Variants in PRKACA observed in about 807,000 individuals in gnomAD.
PRKACA encodes the protein protein kinase cAMP-activated catalytic subunit alpha.
A neutral mutation model predicts 45.8 loss-of-function variants in PRKACA; 9 were observed. The observed-to-expected ratio is 0.20, with a 90% CI of 0.12 to 0.34. The LOEUF (loss-of-function observed/expected upper bound fraction) is 0.34, where lower values mean the gene tolerates loss of function less well. Ranked by LOEUF, PRKACA falls within the 10% of genes least tolerant of loss-of-function variation. The pLI, the probability that PRKACA is intolerant of heterozygous loss-of-function variation, is 1.00. For missense variants in PRKACA, 238 were observed against 458.6 expected, an observed-to-expected ratio of 0.52 and a Z score of 4.39; for synonymous variants, 160 against 178.6, an observed-to-expected ratio of 0.90 and a Z score of 0.83.
intron 4 of PRKACA, chr19:14,101,142 C>T (rs1599340123): frequency 2.0e-6 from 1 of 503,428 alleles, no homozygotes; most frequent in Non-Finnish European, 3.6e-6. Flanking sequence ...GGAGAGAGAA[C>T]TCTGTAGTAC....
chr19:14,096,004 G>A (rs1414080571), intron 8 of PRKACA, among the ~76,000 whole-genome samples: 1 of 149,642 alleles, frequency 6.7e-6, no homozygotes, highest in Non-Finnish European at 1.5e-5. Context: ...GAACACAGGG[G>A]TGCACCATCA....
intron 1 of PRKACA, chr19:14,112,347 G>A (rs1966990177): frequency 6.6e-6 from 1 of 152,510 alleles, no homozygotes; most frequent in African/African-American, 2.4e-5. Flanking sequence ...TGTGGCTTAG[G>A]CCCCCGGAAG....
intron 1 of PRKACA, among the ~76,000 whole-genome samples, chr19:14,110,688 C>T (rs1966941170): frequency 6.6e-6 from 1 of 152,180 alleles, no homozygotes; most frequent in Admixed American, 6.5e-5. Flanking sequence ...TCCTTTTAAC[C>T]ACCACCTAGG....
At position 14,097,137 on chromosome 19, in the gene PRKACA, T is replaced by G; in HGVS notation, c.765+224A>C. ...AAGATGTTCCCGTGAGGCTCGGGATTTTGGAAGCCCATGGGATTCTGGAAC... is the reference window on the plus strand; with the variant it reads ...AAGATGTTCCCGTGAGGCTCGGGATGTTGGAAGCCCATGGGATTCTGGAAC... On this transcript the variant is annotated intron_variant, in intron 8 of 9. Coordinates refer to ENST00000308677, the MANE Select transcript of PRKACA (RefSeq NM_002730.4). The surrounding 1 kb of genome is among the most constrained non-coding windows in gnomAD (Gnocchi z 5.4). 1 of 610,886 alleles carries G rather than the reference T, an allele frequency of 1.6e-6. No individual in the cohort carries two copies. The highest frequency in any genetic ancestry group is 2.8e-6 in the Non-Finnish European group (1 of 358,112). 37.8% of individuals were successfully genotyped at this position (610,886 alleles called of 1,614,324 possible).
chr19:14,113,158 T>C (rs1967017474), intron 1 of PRKACA, among the ~76,000 whole-genome samples: 1 of 151,830 alleles, frequency 6.6e-6, no homozygotes, highest in African/African-American at 2.4e-5. Flanking sequence ...TGTGCTTGGC[T>C]CTACTCTCGG....
At chr19:14,115,077 A>T in intron 1 of PRKACA, 1 of 985,332 alleles carries the variant, frequency 1.0e-6, no homozygotes, top group Non-Finnish European at 1.2e-6. Flanking sequence ...GCAAAGAGGG[A>T]CTTCCTTCCT....
At chr19:14,095,929 A>G (rs946500272) in intron 8 of PRKACA, among the ~76,000 whole-genome samples, 1 of 151,258 alleles carries the variant, frequency 6.6e-6, no homozygotes, top group African/African-American at 2.4e-5. Context: ...CAGTGATGCA[A>G]TCACAGCTCA....
chr19:14,108,112 G>GC, intron 1 of PRKACA: 1 of 985,506 alleles, frequency 1.0e-6, no homozygotes, highest in Non-Finnish European at 1.2e-6. Flanking sequence ...CAGGAAACAG[G>GC]CTTGAAAACA....
intron 8 of PRKACA, chr19:14,096,292 C>G (rs565848949): frequency 6.6e-6 from 1 of 151,178 alleles, no homozygotes; most frequent in Non-Finnish European, 1.5e-5. Flanking sequence ...GTGATCTGCC[C>G]GCCTTGGCTT....
In PRKACA at chr19:14,097,587, G is replaced by A; in HGVS notation, c.634C>T (p.Leu212=). The A allele has an allele frequency of 6.2e-7, 1 of 1,613,596 alleles. No individual in the cohort carries two copies. Among genetic ancestry groups the A allele is most frequent in the Non-Finnish European group, 8.5e-7 (1 of 1,179,718 alleles). Residue 212 remains leucine, a synonymous_variant, in exon 7 of 10, where the codon CTG becomes TTG. Coordinates refer to ENST00000308677, the MANE Select transcript of PRKACA (RefSeq NM_002730.4). The surrounding 1 kb of genome is among the most constrained non-coding windows in gnomAD (Gnocchi z 5.4). The part of the protein sequence containing the change: ...TPEYLAPEII[L]SKGYNKAVDW... Reference sequence around the variant, plus strand: ...GCTGGGGAGGCTCCTACTTTGCTCAGGATAATCTCAGGGGCCAGGTACTCA... The same window carrying A: ...GCTGGGGAGGCTCCTACTTTGCTCAAGATAATCTCAGGGGCCAGGTACTCA...
intron 8 of PRKACA, among the ~76,000 whole-genome samples, chr19:14,094,817 C>T (rs761760306): frequency 8.5e-5 from 13 of 152,228 alleles, no homozygotes; most frequent in Admixed American, 1.3e-4. Context: ...AAGGCTCTTC[C>T]GTTCTTTAAA....
In PRKACA at chr19:14,117,624, C is replaced by T. The variant is rs1161477400; in HGVS notation, c.-77G>A. The stretch of plus-strand genomic sequence containing the variant: ...GGCTGCGGCCGGCGGCCCCGGAGCG[C>T]GCTGGGCGGCGGCGGCGGCGGCCCT... On this transcript the variant is annotated 5_prime_UTR_variant, in exon 1 of 10. Coordinates refer to ENST00000308677, the MANE Select transcript of PRKACA (RefSeq NM_002730.4). 6 of 889,498 alleles carry T rather than the reference C, an allele frequency of 6.7e-6. No homozygotes were observed. Among genetic ancestry groups the T allele is most frequent in the Non-Finnish European group, 8.1e-6 (6 of 744,826 alleles). The allele number at this position is 889,498 out of a possible 1,614,324, so 55.1% of individuals were successfully genotyped here. A position where few individuals can be genotyped will look rare whatever the true frequency, so the allele number is the denominator to read the frequency against.
Position 14,093,154 on chromosome 19 carries a change from G to T in PRKACA, c.1014C>A (p.Val338=). The T allele has an allele frequency of 6.2e-7, 1 of 1,613,274 alleles. No homozygotes were observed. Among genetic ancestry groups the T allele is most frequent in the South Asian group, 1.1e-5 (1 of 91,054 alleles). The part of the protein sequence containing the change: ...FDDYEEEEIR[V]SINEKCGKEF... ...CCTTGCCACACTTCTCATTGATGGA[G>T]ACCCGGATTTCTTCTTCCTCATAGT... The change falls in exon 10 of 10, where the codon GTC becomes GTA. Residue 338 remains valine (V), a synonymous_variant. Transcript: ENST00000308677.
chr19:14,103,072 G>C (rs1800243337), intron 3 of PRKACA, among the ~76,000 whole-genome samples, 158 bp from the exon 4 acceptor site: 3 of 152,144 alleles, frequency 2.0e-5, no homozygotes, highest in Non-Finnish European at 4.4e-5. Context: ...TGATGCTGAG[G>C]ACACAGCATC....
chr19:14,095,874 T>C (rs1039286767), intron 8 of PRKACA, among the ~76,000 whole-genome samples: 1 of 151,778 alleles, frequency 6.6e-6, no homozygotes, highest in South Asian at 2.1e-4. Context: ...CTTGCCTGAA[T>C]TTTTTTAAAA....
intron 1 of PRKACA, chr19:14,114,149 A>G: frequency 6.2e-7 from 1 of 1,611,692 alleles, no homozygotes; most frequent in Non-Finnish European, 8.5e-7. Context: ...CTGGAGTTGG[A>G]AGCCATCACT....
chr19:14,093,890 G>T, intron 8 of PRKACA, 98 bp from the exon 9 acceptor site: 1 of 1,293,320 alleles, frequency 7.7e-7, no homozygotes, highest in Non-Finnish European at 1.0e-6. Flanking sequence ...CTGGGTGTGG[G>T]CCTCCAAAGC....
At chr19:14,114,111 A>G (rs1260395016) in intron 1 of PRKACA, 2 of 1,608,112 alleles carry the variant, frequency 1.2e-6, no homozygotes, top group Non-Finnish European at 1.7e-6. Context: ...GGAAGTTGCT[A>G]TAGTAACAGG....
intron 1 of PRKACA, chr19:14,114,093 T>G: frequency 1.3e-6 from 2 of 1,596,696 alleles, no homozygotes; most frequent in Non-Finnish European, 1.7e-6. Context: ...AGGGGCAGAG[T>G]GTGCCTAGGA....
Sources: allele counts gnomAD v4.1 joint callset (sites outside exome capture counted in the v4.1 genomes callset), GRCh38; gene constraint gnomAD v4.1.1; non-coding constraint Gnocchi (gnomAD v3.1); transcripts MANE v1.5; gene names NCBI Gene and HGNC (gene_info 2026-07-23, HGNC 2026-07-21).